GRID2: variants seen among roughly 807,000 people sequenced by gnomAD.
The protein encoded by GRID2 is glutamate ionotropic receptor delta type subunit 2.
Under a neutral mutation model 114.8 loss-of-function variants are expected in GRID2, and 33 were observed. That is an observed-to-expected ratio of 0.29 (90% CI 0.22 to 0.38). The LOEUF (loss-of-function observed/expected upper bound fraction) is 0.38, where lower values mean the gene tolerates loss of function less well. Among genes scored for constraint, GRID2 ranks in the 10% least tolerant of loss-of-function variants. The probability of loss-of-function intolerance (pLI) is 1.00; values close to 1 mark genes in which losing one functional copy is unlikely to be tolerated. For synonymous variants in GRID2, 505 were observed against 449.9 expected (o/e 1.12, Z -1.55); for missense variants, 1,184 against 1,257.7 (o/e 0.94, Z 0.89).
At chr4:92,502,526 A>T (rs1373988650) in intron 1 of GRID2, among the ~76,000 whole-genome samples, 2 of 152,044 alleles carry the variant, frequency 1.3e-5, no homozygotes, top group East Asian at 3.9e-4. Context: ...AAATGTTCTG[A>T]GTAAGAAGTC....
chr4:92,377,118 C>T (rs1729392948), intron 1 of GRID2, among the ~76,000 whole-genome samples: 1 of 152,138 alleles, frequency 6.6e-6, no homozygotes, highest in Admixed American at 6.6e-5. Context: ...ACATTGTCAG[C>T]CTGCAGGTTT....
chr4:92,369,098 T>C (rs1440870147), intron 1 of GRID2, among the ~76,000 whole-genome samples: 1 of 152,060 alleles, frequency 6.6e-6, no homozygotes, highest in Non-Finnish European at 1.5e-5. Flanking sequence ...CAGCTTTTGC[T>C]CATTGAAATA....
chr4:93,069,946 T>G (rs1511296), intron 2 of GRID2, among the ~76,000 whole-genome samples: 61,977 of 151,862 alleles, frequency 0.41, 12,994 homozygotes, highest in Admixed American at 0.55. Flanking sequence ...GGGGGCTTAC[T>G]TGGTTGTTGG....
intron 2 of GRID2, among the ~76,000 whole-genome samples, chr4:92,926,999 T>C (rs1749857270): frequency 6.6e-6 from 1 of 151,932 alleles, no homozygotes; most frequent in African/African-American, 2.4e-5. Flanking sequence ...TGGAAGATTA[T>C]ATCCCAACCA....
At position 93,769,938 on chromosome 4, in the gene GRID2, T is replaced by C. The variant is rs1175710248; in HGVS notation, c.2601+488T>C. 6.6e-5 allele frequency among the ~76,000 whole-genome samples: 10 copies of C among 152,316 alleles called. No individual in the cohort carries two copies. The East Asian group carries it at 1.4e-3, about 21-fold the overall frequency. On this transcript the variant is annotated intron_variant, in intron 15 of 15. Transcript: ENST00000282020. ...CTCCTTCTCTACTCATGTAGACCTA[T>C]AGAAGCTCTTCGATGGCCCCAAGCT...
intron 5 of GRID2, among the ~76,000 whole-genome samples, chr4:93,209,818 A>T (rs1743246552): frequency 6.6e-6 from 1 of 152,056 alleles, no homozygotes; most frequent in African/African-American, 2.4e-5. Context: ...ATGGTATCTC[A>T]TAGTGGTTTT....
intron 2 of GRID2, among the ~76,000 whole-genome samples, chr4:93,034,317 G>C (rs1290537300): frequency 6.6e-6 from 1 of 152,144 alleles, no homozygotes; most frequent in Non-Finnish European, 1.5e-5. Flanking sequence ...TCTGTCATCT[G>C]TTGTTACAGA....
At chr4:92,970,633 T>C (rs1310395289) in intron 2 of GRID2, among the ~76,000 whole-genome samples, 3 of 151,912 alleles carry the variant, frequency 2.0e-5, no homozygotes, top group Admixed American at 6.6e-5. Context: ...AATTTGAAAA[T>C]CACTTTCGTG....
rs150288797 is a variant in GRID2, at chr4:92,801,361, T to C, written c.244+211075T>C. On this transcript the variant is annotated intron_variant, in intron 2 of 15. Coordinates refer to ENST00000282020, the MANE Select transcript of GRID2 (RefSeq NM_001510.4). ...TAATCATATGGATGAAATTTTGTTATTTTTTATGCAAGTAATTTATTTCTA... is the reference window on the plus strand; with the variant it reads ...TAATCATATGGATGAAATTTTGTTACTTTTTATGCAAGTAATTTATTTCTA... Among the ~76,000 whole-genome samples, 273 of 152,096 alleles carry C rather than the reference T, an allele frequency of 1.8e-3. 1 individual carries two copies. The highest frequency in any genetic ancestry group is 6.0e-3 in the African/African-American group (248 of 41,558).
intron 11 of GRID2, among the ~76,000 whole-genome samples, chr4:93,458,013 G>A (rs1723370069): frequency 6.6e-6 from 1 of 152,056 alleles, no homozygotes; most frequent in Admixed American, 6.6e-5. Context: ...TGAAGACATG[G>A]GAGTTAATGA....
chr4:92,767,358 G>A (rs1446371650), intron 2 of GRID2, among the ~76,000 whole-genome samples: 1 of 152,152 alleles, frequency 6.6e-6, no homozygotes, highest in Non-Finnish European at 1.5e-5. Context: ...CTGTACTTGT[G>A]TGTCTGTTAT....
At chr4:92,831,303 A>T (rs1360124127) in intron 2 of GRID2, among the ~76,000 whole-genome samples, 1 of 152,208 alleles carries the variant, frequency 6.6e-6, no homozygotes, top group Non-Finnish European at 1.5e-5. Flanking sequence ...AGTATGCTTC[A>T]CAGAAAACCA....
chr4:93,194,408 T>C (rs1031947284), intron 4 of GRID2, among the ~76,000 whole-genome samples: 1 of 152,210 alleles, frequency 6.6e-6, no homozygotes, highest in Non-Finnish European at 1.5e-5. Context: ...CTATTTTCTC[T>C]TTACAATAGG....
chr4:92,636,821 G>A (rs1254235151), intron 2 of GRID2, among the ~76,000 whole-genome samples: 1 of 151,922 alleles, frequency 6.6e-6, no homozygotes, highest in Non-Finnish European at 1.5e-5. Context: ...TAACCTGACT[G>A]GGCTTAACTT....
chr4:93,572,811 G>C (rs1289067352), intron 13 of GRID2, among the ~76,000 whole-genome samples: 1 of 152,132 alleles, frequency 6.6e-6, no homozygotes, highest in East Asian at 1.9e-4. Flanking sequence ...TGGAGAGAGG[G>C]GTTGCCATAT....
chr4:92,834,303 T>C (rs1037130032), intron 2 of GRID2, among the ~76,000 whole-genome samples: 1 of 152,210 alleles, frequency 6.6e-6, no homozygotes, highest in African/African-American at 2.4e-5. Context: ...TTTCATTTCA[T>C]ATCTCAGGCA....
intron 2 of GRID2, among the ~76,000 whole-genome samples, chr4:92,941,152 C>G (rs994703386): frequency 1.3e-5 from 2 of 152,136 alleles, no homozygotes; most frequent in African/African-American, 4.8e-5. Flanking sequence ...GGTACCAGCT[C>G]CTCCTTGTAC....
At chr4:92,461,446 C>T (rs1721492289) in intron 1 of GRID2, among the ~76,000 whole-genome samples, 1 of 151,898 alleles carries the variant, frequency 6.6e-6, no homozygotes. Context: ...TTGTGTTTGC[C>T]ATTTTTTTCT....
At chr4:92,596,990 T>C (rs181747730) in intron 2 of GRID2, among the ~76,000 whole-genome samples, 5 of 152,238 alleles carry the variant, frequency 3.3e-5, no homozygotes. Flanking sequence ...TGAGGTTTAA[T>C]TGTGTTAATA....
Sources: allele counts gnomAD v4.1 joint callset (sites outside exome capture counted in the v4.1 genomes callset), GRCh38; gene constraint gnomAD v4.1.1; transcripts MANE v1.5; gene names NCBI Gene and HGNC (gene_info 2026-07-23, HGNC 2026-07-21).